The following UST variants were observed in gnomAD, a reference collection of about 807,000 sequenced individuals.
UST encodes the protein chondroitin sulfate 2-O-sulfotransferase.
In UST, 21 loss-of-function variants were observed where a neutral mutation model predicts 45.6. The ratio of observed to expected loss-of-function variants is 0.46; its 90% CI spans 0.33 to 0.66. The LOEUF (loss-of-function observed/expected upper bound fraction) is 0.66. Ranked by LOEUF, UST falls within the 30% of genes least tolerant of loss-of-function variation. UST has a pLI of 0.02. For missense variants in UST, 463 were observed against 512.4 expected, an observed-to-expected ratio of 0.90 and a Z score of 0.93; for synonymous variants, 215 against 200.6, an observed-to-expected ratio of 1.07 and a Z score of -0.61.
intron 1 of UST, among the ~76,000 whole-genome samples, chr6:148,796,797 C>CTTTTTTTT (rs1195878764): frequency 2.8e-5 from 2 of 72,078 alleles, no homozygotes; most frequent in East Asian, 4.8e-4. Flanking sequence ...TCTGATAATT[C>CTTTTTTTT]TTTTTTTTTT....
intron 7 of UST, among the ~76,000 whole-genome samples, chr6:149,049,712 T>A (rs1776451671): frequency 6.6e-6 from 1 of 152,152 alleles, no homozygotes; most frequent in Non-Finnish European, 1.5e-5. Context: ...GCAACACTGA[T>A]GAAAATGGGG....
chr6:148,988,573 CA>C (rs760248567), intron 5 of UST, among the ~76,000 whole-genome samples: 4,636 of 86,894 alleles, frequency 0.053, 214 homozygotes, highest in African/African-American at 0.19. Flanking sequence ...GACCCTGTCT[CA>C]AAAAAAAAAA....
intron 7 of UST, among the ~76,000 whole-genome samples, chr6:149,026,158 A>G (rs1250608624): frequency 1.4e-5 from 2 of 139,230 alleles, no homozygotes; most frequent in African/African-American, 5.1e-5. Context: ...AAAAAAAAAA[A>G]AAAAAAAACA....
chr6:148,866,552 T>C (rs1778437182), intron 1 of UST, among the ~76,000 whole-genome samples: 1 of 152,196 alleles, frequency 6.6e-6, no homozygotes, highest in African/African-American at 2.4e-5. Flanking sequence ...GAACAACTCA[T>C]GATAGACATA....
intron 1 of UST, among the ~76,000 whole-genome samples, chr6:148,874,580 C>A (rs1232983848): frequency 6.6e-6 from 1 of 151,978 alleles, no homozygotes; most frequent in Non-Finnish European, 1.5e-5. Context: ...GTTGGGTGAG[C>A]CTTCCAGATT....
chr6:148,846,738 A>G lies in UST; in HGVS notation c.248-40248A>G, dbSNP rs149204210. On this transcript the variant is annotated intron_variant, in intron 1 of 7. Coordinates refer to ENST00000367463, the MANE Select transcript of UST (RefSeq NM_005715.3). ...TAGCTCAGTGTGTGGTGCAATAAAT[A>G]TGATGCACATGAAACTATAATTTGA... Among the ~76,000 whole-genome samples the G allele has an allele frequency of 4.6e-3, 706 of 152,402 alleles. 4 individuals carry two copies. Among genetic ancestry groups the G allele is most frequent in the African/African-American group, 0.016 (673 of 41,600 alleles).
intron 1 of UST, among the ~76,000 whole-genome samples, chr6:148,850,051 C>T (rs1269321639): frequency 6.6e-6 from 1 of 152,126 alleles, no homozygotes; most frequent in Non-Finnish European, 1.5e-5. Context: ...TATACTAATT[C>T]TCACCTTGCT....
intron 5 of UST, among the ~76,000 whole-genome samples, chr6:149,018,191 A>G (rs1444368483): frequency 6.6e-6 from 1 of 152,178 alleles, no homozygotes; most frequent in African/African-American, 2.4e-5. Flanking sequence ...CTCATTCCCA[A>G]TTTGAACTAA....
intron 7 of UST, chr6:149,032,515 C>G (rs879522172): frequency 2.7e-4 from 42 of 154,146 alleles, no homozygotes; most frequent in African/African-American, 9.4e-4. Context: ...ATGGACTCTC[C>G]TTCTGTTACC....
At chr6:148,768,761 G>A (rs988183040) in intron 1 of UST, among the ~76,000 whole-genome samples, 30 of 152,298 alleles carry the variant, frequency 2.0e-4, no homozygotes, top group African/African-American at 6.3e-4. Flanking sequence ...GCTTTTTAGA[G>A]GACTTTTGAA....
chr6:149,022,566 C>T (rs1023605474), intron 7 of UST, among the ~76,000 whole-genome samples: 1 of 152,114 alleles, frequency 6.6e-6, no homozygotes, highest in African/African-American at 2.4e-5. Flanking sequence ...CGCCACTGCA[C>T]TCCAGCCTAG....
At chr6:148,999,850 C>T (rs184256373) in intron 5 of UST, among the ~76,000 whole-genome samples, 2 of 152,240 alleles carry the variant, frequency 1.3e-5, no homozygotes, top group Admixed American at 1.3e-4. Flanking sequence ...ATACAGGGCT[C>T]CCAATCAAGA....
chr6:149,025,622 A>G (rs759202284), intron 7 of UST, among the ~76,000 whole-genome samples: 7 of 152,208 alleles, frequency 4.6e-5, no homozygotes, highest in Non-Finnish European at 7.3e-5. Flanking sequence ...CATATACATA[A>G]TTATTACATA....
chr6:148,880,147 G>C (rs914203993), intron 1 of UST, among the ~76,000 whole-genome samples: 2 of 141,218 alleles, frequency 1.4e-5, no homozygotes, highest in African/African-American at 5.3e-5. Flanking sequence ...TGGAGATGGG[G>C]TTTCACCATG....
chr6:148,999,438 G>A (rs1781507184), intron 5 of UST, among the ~76,000 whole-genome samples: 2 of 152,216 alleles, frequency 1.3e-5, no homozygotes, highest in Admixed American at 1.3e-4. Context: ...TACAGAATAT[G>A]TAGAACAAAG....
At chr6:149,043,644 G>A (rs1444723436) in intron 7 of UST, among the ~76,000 whole-genome samples, 2 of 152,250 alleles carry the variant, frequency 1.3e-5, no homozygotes, top group Non-Finnish European at 2.9e-5. Context: ...CCACCAGGAG[G>A]AGCCACTGGC....
chr6:148,747,093 C>G lies in UST; in HGVS notation c.-338C>G, dbSNP rs569799200. Among the ~76,000 whole-genome samples, 40 of 151,336 alleles carry G rather than the reference C, an allele frequency of 2.6e-4. No individual in the cohort carries two copies. The highest frequency in any genetic ancestry group is 9.2e-4 in the African/African-American group (38 of 41,478). ...CAGACACAAAGCCGGGGGGTCCACG[C>G]TGGCGCTGGAGGCGAGCCCCGGCGG... On this transcript the variant is annotated 5_prime_UTR_variant, in exon 1 of 8. Coordinates refer to ENST00000367463, the MANE Select transcript of UST (RefSeq NM_005715.3).
In UST at chr6:148,934,977, G is replaced by A. The variant is rs186802746; in HGVS notation, c.292-6302G>A. On this transcript the variant is annotated intron_variant, in intron 2 of 7. Coordinates refer to ENST00000367463, the MANE Select transcript of UST (RefSeq NM_005715.3). The surrounding 1 kb of genome is among the most constrained non-coding windows in gnomAD (Gnocchi z 4.1). ...CTTCCAACATTACCAATCCCCAGAA[G>A]AGCTCTATAGACTCTGGGTCTCATA... Among the ~76,000 whole-genome samples, 4 of 152,264 alleles carry A rather than the reference G, an allele frequency of 2.6e-5. No individual in the cohort carries two copies. The East Asian group carries it at 7.7e-4, about 29-fold the overall frequency.
intron 7 of UST, among the ~76,000 whole-genome samples, chr6:149,048,433 C>T (rs566464399): frequency 2.4e-4 from 36 of 151,356 alleles, no homozygotes; most frequent in African/African-American, 8.3e-4. Flanking sequence ...CTACTCAGGA[C>T]GCTGAGGCAG....
Sources: gnomAD v4.1 joint callset for allele counts (sites outside exome capture counted in the v4.1 genomes callset) on GRCh38, gnomAD v4.1.1 for gene constraint, Gnocchi (gnomAD v3.1) non-coding constraint, MANE v1.5 for transcripts, NCBI Gene and HGNC (gene_info 2026-07-23, HGNC 2026-07-21) for gene names.